The following TRIM27 variants were observed in gnomAD, a reference collection of about 807,000 sequenced individuals.
TRIM27 encodes the protein zinc finger protein RFP.
A neutral mutation model predicts 57.6 loss-of-function variants in TRIM27; 12 were observed. The ratio of observed to expected loss-of-function variants is 0.21; its 90% confidence interval spans 0.13 to 0.34. The LOEUF (loss-of-function observed/expected upper bound fraction) is 0.34. Among genes scored for constraint, TRIM27 ranks in the 10% least tolerant of loss-of-function variants. TRIM27 has a pLI of 1.00. For synonymous variants in TRIM27, 266 were observed against 259.0 expected, an observed-to-expected ratio of 1.03 and a Z score of -0.26; for missense variants, 403 against 656.8, an observed-to-expected ratio of 0.61 and a Z score of 4.22.
intron 4 of TRIM27, among the ~76,000 whole-genome samples, chr6:28,911,058 T>C (rs1375568743): frequency 1.3e-5 from 2 of 152,166 alleles, no homozygotes; most frequent in Non-Finnish European, 2.9e-5. Context: ...TTTCCACCCC[T>C]GAAGGCATTC....
At chr6:28,910,123 G>GAAAAAAAAAAAAAAAAAAAAAAAAA (rs9278120) in intron 4 of TRIM27, among the ~76,000 whole-genome samples, 1 of 97,620 alleles carries the variant, frequency 1.0e-5, no homozygotes. Flanking sequence ...AAAGAAAAAT[G>GAAAAAAAAAAAAAAAAAAAAAAAAA]AAAAAAAAAA....
intron 7 of TRIM27, chr6:28,906,770 C>T (rs556177375): frequency 5.1e-5 from 8 of 156,340 alleles, no homozygotes; most frequent in East Asian, 1.9e-4. Flanking sequence ...AGGGTGAAAG[C>T]GGTTGTGAGG....
intron 3 of TRIM27, among the ~76,000 whole-genome samples, chr6:28,913,021 C>G (rs1185986469): frequency 6.6e-6 from 1 of 151,976 alleles, no homozygotes. Flanking sequence ...TTTGGGAGGT[C>G]CAGGCGGGCG....
At chr6:28,917,425 A>T (rs142033196) in intron 3 of TRIM27, among the ~76,000 whole-genome samples, 4 of 149,814 alleles carry the variant, frequency 2.7e-5, no homozygotes, top group African/African-American at 9.8e-5. Context: ...AAAAAATACA[A>T]AAATTAGCTG....
intron 7 of TRIM27, chr6:28,906,062 G>A (rs1772746612): frequency 1.3e-5 from 2 of 152,026 alleles, no homozygotes; most frequent in Non-Finnish European, 2.9e-5. Flanking sequence ...AATTAGGCAA[G>A]CATGGTGGTG....
At chr6:28,907,052 G>T in intron 7 of TRIM27, 184 bp downstream of exon 7, 1 of 567,208 alleles carries the variant, frequency 1.8e-6, no homozygotes, top group Non-Finnish European at 3.1e-6. Flanking sequence ...AGACATTTCA[G>T]GAGGCAAAGA....
chr6:28,912,140 C>T (rs1266711671), intron 3 of TRIM27, among the ~76,000 whole-genome samples: 3 of 148,676 alleles, frequency 2.0e-5, no homozygotes, highest in African/African-American at 7.5e-5. Context: ...CGGAGTCTCG[C>T]TCTGTGTAGC....
intron 6 of TRIM27, chr6:28,907,580 G>C (rs535570448): frequency 4.8e-6 from 3 of 619,830 alleles, no homozygotes; most frequent in Non-Finnish European, 9.3e-6. Context: ...AGGGAAACGC[G>C]GTTCCAACCC....
intron 3 of TRIM27, among the ~76,000 whole-genome samples, chr6:28,914,622 A>G (rs577534261): frequency 6.7e-5 from 10 of 148,524 alleles, no homozygotes; most frequent in Admixed American, 4.0e-4. Flanking sequence ...CTTAATGGGT[A>G]CAACGTACAC....
At chr6:28,921,145 C>T (rs1019960672) in intron 2 of TRIM27, among the ~76,000 whole-genome samples, 6 of 152,190 alleles carry the variant, frequency 3.9e-5, no homozygotes, top group South Asian at 4.1e-4. Context: ...CTTTGGGAGG[C>T]TGAGGTGGGC....
intron 6 of TRIM27, 102 bp from the exon 7 acceptor site, chr6:28,907,364 C>T: frequency 9.2e-7 from 1 of 1,088,790 alleles, no homozygotes; most frequent in Admixed American, 1.9e-5. Flanking sequence ...TGGTCTCCAC[C>T]AGAAACCCCA....
At chr6:28,913,851 T>C (rs569776398) in intron 3 of TRIM27, among the ~76,000 whole-genome samples, 1 of 152,008 alleles carries the variant, frequency 6.6e-6, no homozygotes, top group African/African-American at 2.4e-5. Flanking sequence ...TTTGTGATAT[T>C]TGTGGCAAAT....
At chr6:28,916,411 G>A (rs1773610245) in intron 3 of TRIM27, among the ~76,000 whole-genome samples, 1 of 151,920 alleles carries the variant, frequency 6.6e-6, no homozygotes, top group Non-Finnish European at 1.5e-5. Context: ...AATTAGCCAG[G>A]GGTGGTGGCG....
At chr6:28,923,061 T>C (rs1322484574) in intron 1 of TRIM27, 152 bp downstream of exon 1, 2 of 917,354 alleles carry the variant, frequency 2.2e-6, no homozygotes, top group Non-Finnish European at 3.2e-6. Flanking sequence ...CAAATCTGAG[T>C]GCTGAGGCTC....
chr6:28,913,820 A>G (rs997054262), intron 3 of TRIM27, among the ~76,000 whole-genome samples: 3 of 151,928 alleles, frequency 2.0e-5, no homozygotes, highest in African/African-American at 2.4e-5. Context: ...AGGTCTTTTT[A>G]TATTAGAACT....
intron 1 of TRIM27, 38 bp downstream of exon 1, chr6:28,923,175 C>T: frequency 6.6e-7 from 1 of 1,506,738 alleles, no homozygotes; most frequent in Non-Finnish European, 8.9e-7. Flanking sequence ...TCCCTTTGTC[C>T]GACTCGCGCT....
At chr6:28,907,085 C>T (rs1338624116) in intron 7 of TRIM27, 151 bp downstream of exon 7, 43 of 667,700 alleles carry the variant, frequency 6.4e-5, no homozygotes, top group Non-Finnish European at 1.0e-4. Context: ...ATAGAAACAA[C>T]TGAGGATTTT....
Position 28,920,040 on chromosome 6 carries a change from T to C in TRIM27, c.719A>G (p.Gln240Arg), listed in dbSNP as rs1773907141. The change falls in exon 3 of 8, where the codon CAG becomes CGG. Residue 240 changes from glutamine (Q) to arginine (R), a missense_variant. Gln to Arg is a conservative substitution (Grantham distance 43). Transcript: ENST00000377199. ...CAGGAGCTCCCTGGTGGGCTGCTGC[T>C]GCTTCTCTTCTAGCTGAGCGATCAG... The part of the protein sequence containing the change: ...SSLIAQLEEK[Q>R]QQPTRELLQD... The C allele has an allele frequency of 1.2e-6, 2 of 1,613,748 alleles. No individual in the cohort carries two copies. Among genetic ancestry groups the C allele is most frequent in the Non-Finnish European group, 1.7e-6 (2 of 1,179,980 alleles).
At chr6:28,918,706 T>A (rs1383481451) in intron 3 of TRIM27, among the ~76,000 whole-genome samples, 2 of 151,782 alleles carry the variant, frequency 1.3e-5, no homozygotes, top group Non-Finnish European at 2.9e-5. Flanking sequence ...TGAAACCCCG[T>A]CTCTACTAAA....
Sources: allele counts gnomAD v4.1 joint callset (sites outside exome capture counted in the v4.1 genomes callset), GRCh38; gene constraint gnomAD v4.1.1; transcripts MANE v1.5; gene names NCBI Gene and HGNC (gene_info 2026-07-23, HGNC 2026-07-21).